The following R3HDM1 variants were observed in gnomAD, a reference collection of about 807,000 sequenced individuals.
R3HDM1 encodes the protein R3H domain containing 1.
R3HDM1 carries 46 observed loss-of-function variants against 141.1 expected under a neutral mutation model. The ratio of observed to expected loss-of-function variants is 0.33; its 90% CI spans 0.26 to 0.42. R3HDM1 has a LOEUF of 0.42. R3HDM1 is among the 10% of genes least tolerant of loss of function. R3HDM1 has a pLI of 1.00. For missense variants in R3HDM1, 1,184 were observed against 1,368.3 expected (o/e 0.87, Z 2.12); for synonymous variants, 435 against 472.9 (o/e 0.92, Z 1.04).
intron 1 of R3HDM1, among the ~76,000 whole-genome samples, chr2:135,560,898 G>A (rs951224096): frequency 6.6e-5 from 10 of 152,126 alleles, no homozygotes; most frequent in African/African-American, 2.4e-4. Context: ...AAAGCATCCT[G>A]AGTCTCTGAG....
intron 23 of R3HDM1, among the ~76,000 whole-genome samples, chr2:135,712,428 A>ATTTT (rs34713048): frequency 6.7e-5 from 7 of 103,998 alleles, no homozygotes; most frequent in African/African-American, 2.2e-4. Context: ...TGCCCAACTA[A>ATTTT]TTTTTTTTTT....
At chr2:135,561,927 A>G (rs985282831) in intron 1 of R3HDM1, among the ~76,000 whole-genome samples, 3 of 152,094 alleles carry the variant, frequency 2.0e-5, no homozygotes, top group African/African-American at 7.2e-5. Context: ...TATGGCAAAT[A>G]TTTCTCTCCT....
chr2:135,534,454 A>G (rs573503109), intron 1 of R3HDM1, among the ~76,000 whole-genome samples: 20 of 152,354 alleles, frequency 1.3e-4, no homozygotes, highest in African/African-American at 4.8e-4. Flanking sequence ...CTGTGAAACA[A>G]CTTGTGAGAG....
At chr2:135,626,519 T>C (rs1416844243) in intron 7 of R3HDM1, among the ~76,000 whole-genome samples, 4 of 152,180 alleles carry the variant, frequency 2.6e-5, no homozygotes, top group African/African-American at 9.7e-5. Context: ...AATAAGATTC[T>C]AGACAGGCAG....
intron 1 of R3HDM1, among the ~76,000 whole-genome samples, chr2:135,596,567 A>G (rs1191750088): frequency 5.9e-5 from 9 of 152,112 alleles, no homozygotes; most frequent in Admixed American, 5.9e-4. Flanking sequence ...AATTACTAAC[A>G]TGAAATAGGT....
intron 1 of R3HDM1, among the ~76,000 whole-genome samples, chr2:135,594,455 A>G (rs781102958): frequency 2.0e-5 from 3 of 152,116 alleles, no homozygotes; most frequent in Non-Finnish European, 4.4e-5. Flanking sequence ...AATTAGAGAT[A>G]CCCCCAGTCT....
rs1467075589 is a variant in R3HDM1 at position 135,706,919 on chromosome 2, G to T, written c.2460-2514G>T. On this transcript the variant is annotated intron_variant, in intron 21 of 26. Coordinates refer to ENST00000683871, the MANE Select transcript of R3HDM1 (RefSeq NM_001378107.1). Reference sequence around the variant, plus strand: ...ACACCTCCCAGACGGGGTGGTGGCCGGGCAGAGGGGCTCCTCACTTCCCAG... The same window carrying T: ...ACACCTCCCAGACGGGGTGGTGGCCTGGCAGAGGGGCTCCTCACTTCCCAG... Among the ~76,000 whole-genome samples the T allele has an allele frequency of 2.6e-5, 4 of 151,692 alleles. No homozygotes were observed. In the East Asian group the frequency reaches 5.8e-4, roughly 22 times the overall value.
At chr2:135,674,147 T>C (rs1251559341) in intron 19 of R3HDM1, among the ~76,000 whole-genome samples, 1 of 152,178 alleles carries the variant, frequency 6.6e-6, no homozygotes, top group Admixed American at 6.5e-5. Flanking sequence ...TTAAAGAAGA[T>C]AGATGCTAGA....
chr2:135,577,704 G>C (rs960356167), intron 1 of R3HDM1, among the ~76,000 whole-genome samples: 3 of 151,888 alleles, frequency 2.0e-5, no homozygotes, highest in African/African-American at 7.3e-5. Flanking sequence ...CAGGCGTGGT[G>C]GTGGGCGCCT....
intron 1 of R3HDM1, among the ~76,000 whole-genome samples, chr2:135,568,415 T>C (rs559810130): frequency 2.6e-5 from 4 of 151,400 alleles, no homozygotes; most frequent in Admixed American, 1.3e-4. Context: ...AGTTGTGTAA[T>C]CTCCGCTCAC....
chr2:135,670,341 T>G, intron 19 of R3HDM1: 1 of 984,920 alleles, frequency 1.0e-6, no homozygotes, highest in Non-Finnish European at 1.2e-6. Flanking sequence ...ATGTTTATAT[T>G]TTTTGTCCTT....
intron 9 of R3HDM1, 31 bp downstream of exon 9, chr2:135,632,032 TA>T: frequency 6.8e-7 from 1 of 1,464,824 alleles, no homozygotes; most frequent in Non-Finnish European, 9.3e-7. Context: ...CTACATATTA[TA>T]TATCTAAATA....
At chr2:135,696,213 A>T (rs546437944) in intron 21 of R3HDM1, among the ~76,000 whole-genome samples, 1 of 152,330 alleles carries the variant, frequency 6.6e-6, no homozygotes, top group Admixed American at 6.5e-5. Context: ...GAGCGAAAAA[A>T]GAAAAAGGCC....
intron 1 of R3HDM1, among the ~76,000 whole-genome samples, chr2:135,553,916 C>T (rs925539054): frequency 5.3e-5 from 8 of 152,378 alleles, no homozygotes; most frequent in African/African-American, 1.9e-4. Context: ...TCTCGAACTT[C>T]TGACCTCAGC....
intron 15 of R3HDM1, among the ~76,000 whole-genome samples, chr2:135,644,810 CATATTA>C (rs1448736554): frequency 3.3e-5 from 5 of 152,068 alleles, no homozygotes; most frequent in African/African-American, 1.2e-4. Context: ...GGAAACACTA[CATATTA>C]TGAAATAAGG....
At chr2:135,550,691 T>C (rs1170720325) in intron 1 of R3HDM1, among the ~76,000 whole-genome samples, 5 of 152,090 alleles carry the variant, frequency 3.3e-5, no homozygotes, top group African/African-American at 1.2e-4. Context: ...GGAGATCTAT[T>C]TGAGTCAAAA....
chr2:135,643,099 A>G (rs950496404), intron 15 of R3HDM1, among the ~76,000 whole-genome samples: 2 of 152,204 alleles, frequency 1.3e-5, no homozygotes, highest in African/African-American at 4.8e-5. Flanking sequence ...GAATTGTACT[A>G]TTAATTTAAA....
At chr2:135,621,430 A>G (rs2061501918) in intron 5 of R3HDM1, 64 bp from the exon 6 acceptor site, 2 of 989,944 alleles carry the variant, frequency 2.0e-6, no homozygotes, top group Admixed American at 6.0e-5. Context: ...AAAAAATATA[A>G]ATGTGTGGTA....
intron 24 of R3HDM1, 140 bp downstream of exon 24, chr2:135,715,834 GT>G: frequency 2.0e-6 from 2 of 1,008,154 alleles, no homozygotes; most frequent in Non-Finnish European, 2.8e-6. Flanking sequence ...ATGTCTATTT[GT>G]GACCATATAC....
Sources: gnomAD v4.1 joint callset for allele counts (sites outside exome capture counted in the v4.1 genomes callset) on GRCh38, gnomAD v4.1.1 for gene constraint, MANE v1.5 for transcripts, NCBI Gene and HGNC (gene_info 2026-07-23, HGNC 2026-07-21) for gene names.